THOC2: variants seen among roughly 807,000 people sequenced by gnomAD.
The protein encoded by THOC2 is THO complex subunit 2.
THOC2 carries 10 observed loss-of-function variants against 128.4 expected under a neutral mutation model. The ratio of observed to expected loss-of-function variants is 0.08; its 90% CI spans 0.05 to 0.13. THOC2 has a LOEUF of 0.13. Among genes scored for constraint, THOC2 ranks in the 10% least tolerant of loss-of-function variants. The pLI, the probability that THOC2 is intolerant of heterozygous loss-of-function variation, is 1.00. For missense variants in THOC2, 535 were observed against 1,155.7 expected (o/e 0.46, Z 7.79); for synonymous variants, 393 against 396.9 (o/e 0.99, Z 0.12).
In THOC2 at chrX:123,620,919, G is replaced by A. The variant is rs893012259; in HGVS notation, c.4263C>T (p.Ser1421=). 5 of 1,208,710 alleles carry A rather than the reference G, an allele frequency of 4.1e-6. No individual in the cohort carries two copies. In the African/African-American group the frequency reaches 8.8e-5, roughly 21 times the overall value. ...AGGCTATACTAACCTTTACTGTGGA[G>A]GAATGTGATGGAGAAGGGTGAGTAT... ...KIDTHPSPSH[S]STVKDSLIEL... is the part of the protein sequence containing the mutation. Residue 1421 remains serine, a synonymous_variant, in exon 32 of 39, where the codon TCC becomes TCT. Transcript: ENST00000245838.
In THOC2 at chrX:123,711,779, A is replaced by G. The variant is rs141016001; in HGVS notation, c.130+1071T>C. ...GCCTGGGCAACAAGAGTGAAACTCC[A>G]TCTCAAATAAATAAATAAATAAATA... On this transcript the variant is annotated intron_variant, in intron 2 of 38. Coordinates refer to ENST00000245838, the MANE Select transcript of THOC2 (RefSeq NM_001081550.2). Among the ~76,000 whole-genome samples the G allele has an allele frequency of 6.3e-3, 690 of 109,143 alleles. 5 individuals are homozygous for G. The highest frequency in any genetic ancestry group is 0.021 in the African/African-American group (624 of 30,053). The allele number at this position is 109,143 out of a possible 115,157, so 94.8% of individuals were successfully genotyped here.
At chrX:123,711,458 TAG>T (rs1214542925) in intron 2 of THOC2, among the ~76,000 whole-genome samples, 1 of 110,068 alleles carries the variant, frequency 9.1e-6, no homozygotes, top group African/African-American at 3.3e-5. Context: ...CTAGGCAATA[TAG>T]CAAGACACCT....
chrX:123,642,232 T>G (rs1209552472), intron 15 of THOC2, among the ~76,000 whole-genome samples: 1 of 111,081 alleles, frequency 9.0e-6, no homozygotes, highest in East Asian at 2.8e-4. Flanking sequence ...GAGACCAGCC[T>G]GGCCAACATG....
chrX:123,662,833 A>G (rs1189664436), intron 12 of THOC2, among the ~76,000 whole-genome samples: 3 of 111,720 alleles, frequency 2.7e-5, no homozygotes, highest in Non-Finnish European at 5.6e-5. Flanking sequence ...AGATAACTAT[A>G]AATGGCAAAT....
chrX:123,715,510 G>A (rs999370574), intron 1 of THOC2, among the ~76,000 whole-genome samples: 3 of 110,237 alleles, frequency 2.7e-5, no homozygotes, highest in Non-Finnish European at 5.7e-5. Context: ...AGCCAGGTGC[G>A]GTGGCTCACG....
At position 123,733,018 on chromosome X, in the gene THOC2, G is replaced by A; in HGVS notation, c.5C>T (p.Ala2Val). M[A>V]AAAVVVPAEW... is the part of the protein sequence containing the mutation. ...TGCGGGAACCACCACAGCCGCGGCC[G>A]CCATCTTCCTCTCACTAGTAGCAGA... is the stretch of plus-strand genomic sequence containing the variant. Residue 2 changes from alanine (A) to valine (V), a missense_variant, in exon 1 of 39, where the codon GCG becomes GTG. By Grantham distance (64) the Ala-to-Val change is moderately conservative. This residue lies in a region of THOC2 where 61 missense variants were observed against 84.3 expected (regional missense o/e 0.72). Transcript: ENST00000245838. 1 of 1,211,018 alleles carries A rather than the reference G, an allele frequency of 8.3e-7. No homozygotes were observed. The highest frequency in any genetic ancestry group is 1.1e-6 in the Non-Finnish European group (1 of 894,783).
intron 12 of THOC2, among the ~76,000 whole-genome samples, chrX:123,649,444 C>T (rs2048268743): frequency 9.0e-6 from 1 of 111,029 alleles, no homozygotes; most frequent in Non-Finnish European, 1.9e-5. Context: ...CAAAACTGGA[C>T]AAAGAATGAG....
rs1279546731 is a variant in THOC2 at position 123,634,135 on chromosome X, T to C, written c.2019-65A>G. ...TTCAAATATAAAAGTAACAATGTAT[T>C]GTAATTAATATACTGAGAAACCCTT... On this transcript the variant is annotated intron_variant, in intron 19 of 38. Coordinates refer to ENST00000245838, the MANE Select transcript of THOC2 (RefSeq NM_001081550.2). 1.6e-5 allele frequency: 10 copies of C among 627,348 alleles called. No homozygotes were observed. In the East Asian group the frequency reaches 2.8e-4, roughly 18 times the overall value. The allele number at this position is 627,348 out of a possible 1,213,427, so 51.7% of individuals were successfully genotyped here.
intron 12 of THOC2, among the ~76,000 whole-genome samples, chrX:123,658,536 C>A (rs2048699724): frequency 8.9e-6 from 1 of 111,793 alleles, no homozygotes; most frequent in Non-Finnish European, 1.9e-5. Context: ...GCTATCAAGC[C>A]ATGAAAAGAC....
chrX:123,611,656 G>A (rs2046703691), intron 36 of THOC2, 140 bp from the exon 37 acceptor site: 24 of 382,310 alleles, frequency 6.3e-5, no homozygotes, highest in Non-Finnish European at 8.6e-5. Context: ...GCAACAAAAG[G>A]AAAAAAATAG....
intron 4 of THOC2, among the ~76,000 whole-genome samples, chrX:123,698,457 C>CAA (rs763092017): frequency 5.3e-4 from 19 of 36,013 alleles, no homozygotes; most frequent in South Asian, 1.5e-3. Context: ...GACTCTGTCT[C>CAA]AAAAAAAAAA....
chrX:123,612,075 G>C (rs1474693945), intron 36 of THOC2, among the ~76,000 whole-genome samples: 3 of 111,541 alleles, frequency 2.7e-5, no homozygotes, highest in Non-Finnish European at 5.7e-5. Context: ...TTTGTTGGTA[G>C]AAATGTAAAC....
intron 38 of THOC2, chrX:123,603,665 T>C: frequency 2.0e-6 from 1 of 492,006 alleles, no homozygotes; most frequent in Non-Finnish European, 3.6e-6. Context: ...CTCTTAATTA[T>C]GGGAGATATC....
chrX:123,656,714 A>G (rs1309305219), intron 12 of THOC2, among the ~76,000 whole-genome samples: 1 of 110,647 alleles, frequency 9.0e-6, no homozygotes, highest in Non-Finnish European at 1.9e-5. Context: ...TGTCTCAAAA[A>G]AACAAAGGCG....
chrX:123,618,954 G>A (rs910765324), intron 33 of THOC2, among the ~76,000 whole-genome samples: 1 of 111,940 alleles, frequency 8.9e-6, no homozygotes, highest in African/African-American at 3.2e-5. Flanking sequence ...AGATTGAGAT[G>A]AGTTCCATTT....
chrX:123,665,545 G>A, intron 12 of THOC2, 97 bp downstream of exon 12: 2 of 574,331 alleles, frequency 3.5e-6, no homozygotes, highest in Non-Finnish European at 5.1e-6. Context: ...TTTATTAAAT[G>A]AGGTTCATAT....
chrX:123,704,734 T>A (rs977517884), intron 3 of THOC2, among the ~76,000 whole-genome samples: 1 of 111,427 alleles, frequency 9.0e-6, no homozygotes, highest in African/African-American at 3.3e-5. Flanking sequence ...GGCATGCGCC[T>A]GTAATCCCAG....
At chrX:123,682,695 A>G (rs2049835917) in intron 8 of THOC2, among the ~76,000 whole-genome samples, 1 of 111,938 alleles carries the variant, frequency 8.9e-6, no homozygotes, top group African/African-American at 3.2e-5. Context: ...CATATAATTT[A>G]CTCAGAATCT....
chrX:123,691,761 T>C (rs1340152721), intron 7 of THOC2, among the ~76,000 whole-genome samples: 1 of 112,099 alleles, frequency 8.9e-6, no homozygotes. Flanking sequence ...GGAAGAACCA[T>C]TTTCACTCTC....
Sources: allele counts gnomAD v4.1 joint callset (sites outside exome capture counted in the v4.1 genomes callset), GRCh38; gene constraint gnomAD v4.1.1; regional missense constraint gnomAD v4.1.1; transcripts MANE v1.5; gene names NCBI Gene and HGNC (gene_info 2026-07-23, HGNC 2026-07-21).